Variants in MTSS1 observed in about 807,000 individuals in gnomAD.
MTSS1 encodes MTSS I-BAR domain containing 1, also known as protein MTSS 1.
Under a neutral mutation model 79.0 loss-of-function variants are expected in MTSS1, and 18 were observed. That is an observed-to-expected ratio of 0.23 (90% CI 0.16 to 0.34). The LOEUF is 0.34. Among genes scored for constraint, MTSS1 ranks in the 10% least tolerant of loss-of-function variants. The pLI, the probability that MTSS1 is intolerant of heterozygous loss-of-function variation, is 1.00. For synonymous variants in MTSS1, 341 were observed against 368.6 expected, an observed-to-expected ratio of 0.93 and a Z score of 0.86; for missense variants, 815 against 986.2, an observed-to-expected ratio of 0.83 and a Z score of 2.33.
At chr8:124,587,666 T>G (rs1831105954) in intron 5 of MTSS1, among the ~76,000 whole-genome samples, 1 of 152,092 alleles carries the variant, frequency 6.6e-6, no homozygotes, top group South Asian at 2.1e-4. Context: ...GCCCAGCTAA[T>G]TGGTTTTTTT....
intron 1 of MTSS1, among the ~76,000 whole-genome samples, chr8:124,709,758 G>A (rs1245300526): frequency 6.6e-6 from 1 of 152,086 alleles, no homozygotes; most frequent in South Asian, 2.1e-4. Context: ...CCCTGAACAC[G>A]TGATCTCACC....
At chr8:124,716,358 C>G (rs1427350682) in intron 1 of MTSS1, among the ~76,000 whole-genome samples, 2 of 152,226 alleles carry the variant, frequency 1.3e-5, no homozygotes, top group African/African-American at 2.4e-5. Context: ...TCTGCCTAGG[C>G]ACAGAACTCA....
At chr8:124,645,662 C>T (rs1284023904) in intron 3 of MTSS1, among the ~76,000 whole-genome samples, 1 of 152,140 alleles carries the variant, frequency 6.6e-6, no homozygotes, top group East Asian at 1.9e-4. Flanking sequence ...ATCTCATTTT[C>T]TCGGTTGACG....
chr8:124,642,644 T>C (rs1818269192), intron 3 of MTSS1, among the ~76,000 whole-genome samples: 1 of 152,156 alleles, frequency 6.6e-6, no homozygotes, highest in Non-Finnish European at 1.5e-5. Flanking sequence ...CCAGTCTGCA[T>C]TGCAATGGCA....
At chr8:124,580,498 C>G in intron 6 of MTSS1, 2 of 1,533,786 alleles carry the variant, frequency 1.3e-6, no homozygotes, top group East Asian at 4.9e-5. Flanking sequence ...GGAAAGCCCA[C>G]AGCAAGGACC....
chr8:124,576,529 T>C (rs1281682169), intron 6 of MTSS1, among the ~76,000 whole-genome samples: 1 of 152,192 alleles, frequency 6.6e-6, no homozygotes. Context: ...TTTACCTCCT[T>C]AGCAGCTAAC....
At chr8:124,706,314 G>A (rs1349116786) in intron 1 of MTSS1, among the ~76,000 whole-genome samples, 2 of 152,126 alleles carry the variant, frequency 1.3e-5, no homozygotes, top group Non-Finnish European at 2.9e-5. Context: ...TTTCCTTTAT[G>A]GCTGGAGTCT....
intron 1 of MTSS1, among the ~76,000 whole-genome samples, chr8:124,724,975 C>G (rs1392324883): frequency 6.6e-6 from 1 of 152,146 alleles, no homozygotes; most frequent in Non-Finnish European, 1.5e-5. Flanking sequence ...ATTTGATCAG[C>G]GATTTACTAA....
intron 3 of MTSS1, among the ~76,000 whole-genome samples, chr8:124,616,152 A>G (rs939922762): frequency 2.6e-5 from 4 of 152,234 alleles, no homozygotes; most frequent in Non-Finnish European, 5.9e-5. Flanking sequence ...CAACATGAAC[A>G]TGCAAACGCT....
chr8:124,726,477 C>T (rs932339990), intron 1 of MTSS1, among the ~76,000 whole-genome samples: 1 of 152,208 alleles, frequency 6.6e-6, no homozygotes, highest in African/African-American at 2.4e-5. Context: ...CAGAGTCTGG[C>T]TGCAGATTAT....
chr8:124,641,615 G>A (rs1271265829), intron 3 of MTSS1, among the ~76,000 whole-genome samples: 1 of 152,202 alleles, frequency 6.6e-6, no homozygotes, highest in Non-Finnish European at 1.5e-5. Flanking sequence ...ATGCTGTGAA[G>A]TAAGAAGCTC....
chr8:124,563,550 G>A lies in MTSS1; in HGVS notation c.825-558C>T, dbSNP rs180713115. On this transcript the variant is annotated intron_variant, in intron 9 of 13. Transcript: ENST00000518547. ...ATCCTAGCTGAGTCTGGTCAAGCCCGCTGTCAAGAACATCAGCAAATCAAC... is the reference window on the plus strand; with the variant it reads ...ATCCTAGCTGAGTCTGGTCAAGCCCACTGTCAAGAACATCAGCAAATCAAC... 466 of 161,584 alleles carry A rather than the reference G, an allele frequency of 2.9e-3. 1 individual carries two copies. Among genetic ancestry groups the A allele is most frequent in the Middle Eastern group, 9.8e-3 (3 of 306 alleles). The allele number at this position is 161,584 out of a possible 1,614,324, so 10.0% of individuals were successfully genotyped here. A position where few individuals can be genotyped will look rare whatever the true frequency, so the allele number is the denominator to read the frequency against.
chr8:124,605,963 A>ATTT (rs35985246), intron 3 of MTSS1, among the ~76,000 whole-genome samples: 4 of 106,002 alleles, frequency 3.8e-5, no homozygotes, highest in Non-Finnish European at 5.5e-5. Flanking sequence ...TAGGTATCTC[A>ATTT]TTTTTTTTTT....
chr8:124,633,522 G>A (rs1365839625), intron 3 of MTSS1, among the ~76,000 whole-genome samples: 1 of 152,096 alleles, frequency 6.6e-6, no homozygotes, highest in Non-Finnish European at 1.5e-5. Flanking sequence ...TGTAATCCCC[G>A]CACTTTGGGA....
At chr8:124,616,761 C>G (rs1372984514) in intron 3 of MTSS1, among the ~76,000 whole-genome samples, 1 of 152,216 alleles carries the variant, frequency 6.6e-6, no homozygotes, top group Non-Finnish European at 1.5e-5. Flanking sequence ...TCTCAATTCA[C>G]TCCTTGAGCA....
chr8:124,558,864 CA>C, intron 10 of MTSS1: 1 of 1,520,812 alleles, frequency 6.6e-7, no homozygotes, highest in Non-Finnish European at 8.8e-7. Flanking sequence ...ACGAGGGGAC[CA>C]ACAGAAACCG....
intron 13 of MTSS1, among the ~76,000 whole-genome samples, chr8:124,554,638 G>C (rs1415107873): frequency 6.6e-6 from 1 of 152,188 alleles, no homozygotes; most frequent in Non-Finnish European, 1.5e-5. Context: ...GATTTGGCTG[G>C]AATAGGTTAA....
At chr8:124,678,137 C>T (rs1434148434) in intron 3 of MTSS1, among the ~76,000 whole-genome samples, 1 of 152,108 alleles carries the variant, frequency 6.6e-6, no homozygotes, top group Non-Finnish European at 1.5e-5. Context: ...CAGCTGATCC[C>T]CTTTCATCCA....
At chr8:124,617,515 G>C (rs1484390282) in intron 3 of MTSS1, among the ~76,000 whole-genome samples, 1 of 152,148 alleles carries the variant, frequency 6.6e-6, no homozygotes, top group Non-Finnish European at 1.5e-5. Context: ...ACTTCAAAGA[G>C]AGATCTCACC....
Sources: allele counts gnomAD v4.1 joint callset (sites outside exome capture counted in the v4.1 genomes callset), GRCh38; gene constraint gnomAD v4.1.1; transcripts MANE v1.5; gene names NCBI Gene and HGNC (gene_info 2026-07-23, HGNC 2026-07-21).